TMEM132D: variants seen among roughly 807,000 people sequenced by gnomAD.
TMEM132D encodes transmembrane protein 132D, also known as mature OL transmembrane protein.
TMEM132D carries 21 observed loss-of-function variants against 62.3 expected under a neutral mutation model. That is an observed-to-expected ratio of 0.34 (90% CI 0.24 to 0.49). TMEM132D has a LOEUF of 0.49. TMEM132D is among the 20% of genes least tolerant of loss of function. The pLI, the probability that TMEM132D is intolerant of heterozygous loss-of-function variation, is 0.99. For missense variants in TMEM132D, 1,346 were observed against 1,402.8 expected, an observed-to-expected ratio of 0.96 and a Z score of 0.65; for synonymous variants, 621 against 575.6, an observed-to-expected ratio of 1.08 and a Z score of -1.13.
intron 2 of TMEM132D, among the ~76,000 whole-genome samples, chr12:129,593,995 G>A (rs566436552): frequency 6.6e-6 from 1 of 152,122 alleles, no homozygotes; most frequent in Non-Finnish European, 1.5e-5. Context: ...GTCAGACTAA[G>A]AGGTCTCATT....
intron 3 of TMEM132D, among the ~76,000 whole-genome samples, chr12:129,434,252 A>T (rs577476711): frequency 6.1e-4 from 93 of 152,348 alleles, no homozygotes; most frequent in South Asian, 1.0e-3. Context: ...TGAGAATGTC[A>T]AATAGACCAA....
intron 2 of TMEM132D, among the ~76,000 whole-genome samples, chr12:129,574,644 G>C (rs1489608556): frequency 6.6e-6 from 1 of 151,780 alleles, no homozygotes; most frequent in African/African-American, 2.4e-5. Context: ...CTGAAACTCA[G>C]AGAAGAAAGG....
chr12:129,850,665 C>T (rs533611102), intron 1 of TMEM132D, among the ~76,000 whole-genome samples: 3 of 152,176 alleles, frequency 2.0e-5, no homozygotes, highest in Admixed American at 2.0e-4. Flanking sequence ...ACAATACTTC[C>T]CAGAGTTGAA....
At chr12:129,130,276 T>G (rs1354049650) in intron 5 of TMEM132D, among the ~76,000 whole-genome samples, 1 of 151,980 alleles carries the variant, frequency 6.6e-6, no homozygotes, top group Non-Finnish European at 1.5e-5. Context: ...CTTCTGGGGA[T>G]GCCCGTGGAG....
At chr12:129,513,502 T>C (rs1875555381) in intron 3 of TMEM132D, among the ~76,000 whole-genome samples, 1 of 152,168 alleles carries the variant, frequency 6.6e-6, no homozygotes, top group African/African-American at 2.4e-5. Flanking sequence ...TGTTTGTTTT[T>C]GAGACAGAGT....
At chr12:129,540,740 T>A (rs900325218) in intron 2 of TMEM132D, among the ~76,000 whole-genome samples, 10 of 152,188 alleles carry the variant, frequency 6.6e-5, no homozygotes, top group Non-Finnish European at 1.2e-4. Context: ...ACCTGCCACC[T>A]TGGCCTCCTA....
intron 1 of TMEM132D, among the ~76,000 whole-genome samples, chr12:129,794,405 A>G (rs1871501563): frequency 6.6e-6 from 1 of 151,904 alleles, no homozygotes; most frequent in South Asian, 2.1e-4. Context: ...CCCAGCCTTT[A>G]GTGTGTTTTA....
chr12:129,498,127 T>C (rs954239193), intron 3 of TMEM132D, among the ~76,000 whole-genome samples: 1 of 152,136 alleles, frequency 6.6e-6, no homozygotes, highest in Non-Finnish European at 1.5e-5. Flanking sequence ...AAACAGTACA[T>C]AGGAAGCTTT....
intron 1 of TMEM132D, among the ~76,000 whole-genome samples, chr12:129,862,428 C>T (rs1328994649): frequency 6.6e-6 from 1 of 152,214 alleles, no homozygotes; most frequent in African/African-American, 2.4e-5. Context: ...TTTGCTGACA[C>T]TCCACTGCAC....
At chr12:129,230,639 C>A (rs963687440) in intron 4 of TMEM132D, among the ~76,000 whole-genome samples, 1 of 152,182 alleles carries the variant, frequency 6.6e-6, no homozygotes, top group African/African-American at 2.4e-5. Context: ...CATCCAGTCC[C>A]AGGGTGTTGA....
chr12:129,204,933 A>G (rs1017889866), intron 5 of TMEM132D, among the ~76,000 whole-genome samples: 7 of 152,210 alleles, frequency 4.6e-5, no homozygotes, highest in African/African-American at 1.7e-4. Context: ...AAGCTTCATA[A>G]GTGAAGGAGA....
intron 5 of TMEM132D, among the ~76,000 whole-genome samples, chr12:129,144,702 T>TATCTATCTATCTATCC: frequency 6.6e-6 from 1 of 152,142 alleles, no homozygotes; most frequent in East Asian, 1.9e-4. Flanking sequence ...TCTATCTATC[T>TATCTATCTATCTATCC]ATCTAGCGAC....
chr12:129,179,656 G>A (rs999299790), intron 5 of TMEM132D, among the ~76,000 whole-genome samples: 1 of 152,138 alleles, frequency 6.6e-6, no homozygotes, highest in African/African-American at 2.4e-5. Context: ...AGAGAAACTT[G>A]GTTATTTATT....
Position 129,535,216 on chromosome 12 carries a change from C to A in TMEM132D, c.969-4011G>T, listed in dbSNP as rs1316665938. Among the ~76,000 whole-genome samples, 5 of 152,222 alleles carry A rather than the reference C, an allele frequency of 3.3e-5. No individual in the cohort carries two copies. In the East Asian group the frequency reaches 9.6e-4, roughly 29 times the overall value. On this transcript the variant is annotated intron_variant, in intron 2 of 8. Transcript: ENST00000422113. ...AAGAGGGAAGAGCAGTAGACCAGAA[C>A]AAGGGATTTCCTCTTAAGCAGGTGA...
Position 129,377,438 on chromosome 12 carries a change from C to G in TMEM132D, c.1116-39621G>C, listed in dbSNP as rs547004949. On this transcript the variant is annotated intron_variant, in intron 3 of 8. Transcript: ENST00000422113. The stretch of plus-strand genomic sequence containing the variant: ...GATGGGGTGTGAGTCAAGGGGAGGT[C>G]TTAGAGAAGAGCATTCCAGGCTTTG... 4.4e-4 allele frequency among the ~76,000 whole-genome samples: 67 copies of G among 152,268 alleles called. 1 individual carries two copies. The South Asian group carries it at 0.013, about 31-fold the overall frequency.
chr12:129,224,067 G>A (rs1389647568), intron 4 of TMEM132D, among the ~76,000 whole-genome samples: 1 of 152,154 alleles, frequency 6.6e-6, no homozygotes, highest in Admixed American at 6.5e-5. Flanking sequence ...TCCAGTCATC[G>A]CCAGTGTCTC....
At chr12:129,228,750 C>T (rs1879552025) in intron 4 of TMEM132D, among the ~76,000 whole-genome samples, 1 of 152,180 alleles carries the variant, frequency 6.6e-6, no homozygotes, top group African/African-American at 2.4e-5. Context: ...TAATGCTTTC[C>T]ATTTAACAAA....
intron 5 of TMEM132D, among the ~76,000 whole-genome samples, chr12:129,182,507 AG>A (rs1042551179): frequency 2.2e-4 from 34 of 152,318 alleles, no homozygotes; most frequent in African/African-American, 7.9e-4. Context: ...ACTCAGGAAG[AG>A]TGGACGCTGC....
chr12:129,349,865 G>C (rs1869811407), intron 3 of TMEM132D, among the ~76,000 whole-genome samples: 1 of 152,110 alleles, frequency 6.6e-6, no homozygotes, highest in Non-Finnish European at 1.5e-5. Flanking sequence ...AGCAATAATG[G>C]CCCATCTTTC....
Sources: gnomAD v4.1 joint callset for allele counts (sites outside exome capture counted in the v4.1 genomes callset) on GRCh38, gnomAD v4.1.1 for gene constraint, MANE v1.5 for transcripts, NCBI Gene and HGNC (gene_info 2026-07-23, HGNC 2026-07-21) for gene names.